The following AKT2 variants were observed in gnomAD, a reference collection of about 807,000 sequenced individuals.
AKT2 encodes the protein RAC-beta serine/threonine-protein kinase.
A neutral mutation model predicts 58.6 loss-of-function variants in AKT2; 16 were observed. That is an observed-to-expected ratio of 0.27 (90% confidence interval 0.18 to 0.41). The LOEUF is 0.41. Among genes scored for constraint, AKT2 ranks in the 10% least tolerant of loss-of-function variants. AKT2 has a pLI of 1.00. For synonymous variants in AKT2, 253 were observed against 254.0 expected, an observed-to-expected ratio of 1.00 and a Z score of 0.04; for missense variants, 438 against 661.0, an observed-to-expected ratio of 0.66 and a Z score of 3.70.
chr19:40,242,408 C>G lies in AKT2; in HGVS notation c.441+126G>C. ...ACCTGCCACCTGAAATCACCCCACC[C>G]TGCAGGGCAGCCTTGTCTCTCAGCT... On this transcript the variant is annotated intron_variant, in intron 5 of 13. Coordinates refer to ENST00000392038, the MANE Select transcript of AKT2 (RefSeq NM_001626.6). The surrounding 1 kb of genome is among the most constrained non-coding windows in gnomAD (Gnocchi z 4.3). 2 of 1,455,242 alleles carry G rather than the reference C, an allele frequency of 1.4e-6. No homozygotes were observed. Among genetic ancestry groups the G allele is most frequent in the Non-Finnish European group, 1.9e-6 (2 of 1,050,500 alleles). 90.1% of individuals were successfully genotyped at this position (1,455,242 alleles called of 1,614,324 possible). A position where few individuals can be genotyped will look rare whatever the true frequency, so the allele number is the denominator to read the frequency against.
At position 40,238,955 on chromosome 19, in the gene AKT2, G is replaced by A; in HGVS notation, c.658C>T (p.Gln220Ter). 6.2e-7 allele frequency: 1 copy of A among 1,614,052 alleles called. No individual in the cohort carries two copies. Among genetic ancestry groups the A allele is most frequent in the Non-Finnish European group, 8.5e-7 (1 of 1,179,994 alleles). The change falls in exon 8 of 14, where the codon CAG becomes TAG. Residue 220 changes from glutamine to a stop codon, truncating the protein, a stop_gained. Coordinates refer to ENST00000392038, the MANE Select transcript of AKT2 (RefSeq NM_001626.6). LOFTEE classifies it high-confidence loss of function. This position sits in a 1 kb window ranked among gnomAD's most constrained non-coding sequence, Gnocchi z 5.1. ...PFLTALKYAFQTHDRLCFVME... is the reference protein window; with the variant it reads ...PFLTALKYAF The stretch of plus-strand genomic sequence containing the variant: ...ACAAAGCACAGGCGGTCGTGGGTCT[G>A]GAAGGCATACTTCAGCGCCTGGGGG...
Position 40,233,825 on chromosome 19 carries a change from C to T in AKT2, c.*47G>A. ...TAAAAAGTTAGGGGGAAAAAACCACCCAGCGGTGATGGCAGCGAGCGTGCG... is the reference window on the plus strand; with the variant it reads ...TAAAAAGTTAGGGGGAAAAAACCACTCAGCGGTGATGGCAGCGAGCGTGCG... On this transcript the variant is annotated 3_prime_UTR_variant, in exon 14 of 14. Coordinates refer to ENST00000392038, the MANE Select transcript of AKT2 (RefSeq NM_001626.6). The surrounding 1 kb of genome is among the most constrained non-coding windows in gnomAD (Gnocchi z 4.3). The T allele has an allele frequency of 1.9e-6, 3 of 1,593,774 alleles. No individual in the cohort carries two copies. Among genetic ancestry groups the T allele is most frequent in the Non-Finnish European group, 1.7e-6 (2 of 1,170,816 alleles).
In AKT2 at chr19:40,242,920, G is replaced by A. The variant is rs58335214; in HGVS notation, c.288-233C>T. 3.6e-3 allele frequency: 1,882 copies of A among 521,602 alleles called. 34 individuals are homozygous for A. The highest frequency in any genetic ancestry group is 0.032 in the African/African-American group (1,670 of 52,266). 32.3% of individuals were successfully genotyped at this position (521,602 alleles called of 1,614,324 possible). A position where few individuals can be genotyped will look rare whatever the true frequency, so the allele number is the denominator to read the frequency against. ...TCCCAGCACTTTGGGAGGCTGAGGC[G>A]GATGGATCACAAGGTCAGGAGTTCG... On this transcript the variant is annotated intron_variant, in intron 4 of 13. Transcript: ENST00000392038. The surrounding 1 kb of genome is among the most constrained non-coding windows in gnomAD (Gnocchi z 4.3).
chr19:40,249,092 G>C (rs1200245674), intron 4 of AKT2, among the ~76,000 whole-genome samples: 2 of 152,106 alleles, frequency 1.3e-5, no homozygotes, highest in Non-Finnish European at 2.9e-5. Flanking sequence ...ACAGGGAGGA[G>C]AGCATGCCCA....
chr19:40,260,895 C>T (rs1975901020), intron 2 of AKT2, among the ~76,000 whole-genome samples: 1 of 152,158 alleles, frequency 6.6e-6, no homozygotes, highest in Non-Finnish European at 1.5e-5. Flanking sequence ...CTGCAGTGAG[C>T]CATGAGCCAA....
chr19:40,253,554 G>C (rs1189266644), intron 4 of AKT2, among the ~76,000 whole-genome samples: 1 of 152,146 alleles, frequency 6.6e-6, no homozygotes, highest in African/African-American at 2.4e-5. Context: ...ACCCCGAGGT[G>C]CTGAATTTTT....
intron 4 of AKT2, chr19:40,243,718 T>C (rs1006213898): frequency 6.6e-6 from 1 of 151,976 alleles, no homozygotes; most frequent in Non-Finnish European, 1.5e-5. Flanking sequence ...GCAAGACCCA[T>C]CTCTTAAAAA....
Position 40,233,142 on chromosome 19 carries a change from G to C in AKT2, c.*730C>G, listed in dbSNP as rs1232203177. ...AGTAAGGCACGGGGCTGGGAGGCAG[G>C]CAGGTTTGGCCCCAAATGTTCCTCC... On this transcript the variant is annotated 3_prime_UTR_variant, in exon 14 of 14. Coordinates refer to ENST00000392038, the MANE Select transcript of AKT2 (RefSeq NM_001626.6). This position sits in a 1 kb window ranked among gnomAD's most constrained non-coding sequence, Gnocchi z 4.3. The C allele has an allele frequency of 4.2e-6, 1 of 237,860 alleles. No individual in the cohort carries two copies. The highest frequency in any genetic ancestry group is 8.2e-6 in the Non-Finnish European group (1 of 121,220). 14.7% of individuals were successfully genotyped at this position (237,860 alleles called of 1,614,324 possible).
rs553646470 is a variant in AKT2 at position 40,240,125 on chromosome 19, C to A, written c.574-15G>T. 1.2e-6 allele frequency: 2 copies of A among 1,613,796 alleles called. No homozygotes were observed. The highest frequency in any genetic ancestry group is 2.7e-5 in the African/African-American group (2 of 75,030). On this transcript the variant is annotated splice_polypyrimidine_tract_variant and intron_variant, in intron 6 of 13. Transcript: ENST00000392038. ...GCGACTTCATCCTGCAGACAGACTG[C>A]GGGTGAGGGGCTGGTGGGCAACACC... is the stretch of plus-strand genomic sequence containing the variant.
At chr19:40,261,832 T>C (rs1975982596) in intron 2 of AKT2, among the ~76,000 whole-genome samples, 3 of 152,022 alleles carry the variant, frequency 2.0e-5, no homozygotes, top group South Asian at 2.1e-4. Flanking sequence ...TTACACAACA[T>C]TGTGATATAC....
At chr19:40,243,877 T>C (rs942584096) in intron 4 of AKT2, 1 of 151,558 alleles carries the variant, frequency 6.6e-6, no homozygotes, top group Non-Finnish European at 1.5e-5. Flanking sequence ...ACCCAGTCTC[T>C]ACTAAAAATA....
At chr19:40,245,838 T>A (rs975005456) in intron 4 of AKT2, among the ~76,000 whole-genome samples, 1 of 152,124 alleles carries the variant, frequency 6.6e-6, no homozygotes, top group Non-Finnish European at 1.5e-5. Flanking sequence ...ACTCAGTAGA[T>A]ACTTGGGTAA....
chr19:40,272,461 A>G (rs1322038236), intron 1 of AKT2, among the ~76,000 whole-genome samples: 1 of 152,218 alleles, frequency 6.6e-6, no homozygotes, highest in Non-Finnish European at 1.5e-5. Flanking sequence ...CTGTGCTGAC[A>G]CTGGGACCAT....
At position 40,242,360 on chromosome 19, in the gene AKT2, G is replaced by A. The variant is rs548504356; in HGVS notation, c.441+174C>T. On this transcript the variant is annotated intron_variant, in intron 5 of 13. Transcript: ENST00000392038. The surrounding 1 kb of genome is among the most constrained non-coding windows in gnomAD (Gnocchi z 4.3). ...CACCCAAGGTTGCTCCCTCCCCTAC[G>A]GGCATGGAGCACACCCTAGGGCACC... 31 of 1,084,320 alleles carry A rather than the reference G, an allele frequency of 2.9e-5. No homozygotes were observed. Among genetic ancestry groups the A allele is most frequent in the South Asian group, 1.7e-4 (13 of 75,416 alleles). 67.2% of individuals were successfully genotyped at this position (1,084,320 alleles called of 1,614,324 possible).
intron 7 of AKT2, chr19:40,239,381 A>C (rs1441924466): frequency 4.3e-6 from 1 of 234,574 alleles, no homozygotes; most frequent in African/African-American, 2.3e-5. Context: ...GTCAACAAAC[A>C]GTAGTTCTCC....
intron 4 of AKT2, 145 bp downstream of exon 4, chr19:40,255,013 C>G (rs1044207480): frequency 3.0e-6 from 2 of 664,604 alleles, no homozygotes; most frequent in Non-Finnish European, 5.5e-6. Flanking sequence ...CTCTTCTCAG[C>G]CCCAGCTGGA....
At chr19:40,259,008 T>C (rs771408205) in intron 2 of AKT2, among the ~76,000 whole-genome samples, 6 of 152,124 alleles carry the variant, frequency 3.9e-5, no homozygotes, top group Non-Finnish European at 7.3e-5. Flanking sequence ...AAATTTACTA[T>C]ACAAAGCTAT....
chr19:40,252,029 G>A (rs1975193690), intron 4 of AKT2, among the ~76,000 whole-genome samples: 1 of 152,296 alleles, frequency 6.6e-6, no homozygotes, highest in East Asian at 1.9e-4. Context: ...ACAGGGAGGA[G>A]GGTCTCTCCA....
chr19:40,272,017 A>G (rs1255625792), intron 1 of AKT2, among the ~76,000 whole-genome samples: 1 of 152,226 alleles, frequency 6.6e-6, no homozygotes, highest in Non-Finnish European at 1.5e-5. Flanking sequence ...GACTCTACTA[A>G]AAAGAGCAAG....
Sources: allele counts gnomAD v4.1 joint callset (sites outside exome capture counted in the v4.1 genomes callset), GRCh38; gene constraint gnomAD v4.1.1; non-coding constraint Gnocchi (gnomAD v3.1); transcripts MANE v1.5; gene names NCBI Gene and HGNC (gene_info 2026-07-23, HGNC 2026-07-21).